WNT9B: variants seen among roughly 807,000 people sequenced by gnomAD.
WNT9B encodes the protein protein Wnt-9b.
WNT9B carries 12 observed loss-of-function variants against 30.2 expected under a neutral mutation model. That is an observed-to-expected ratio of 0.40 (90% CI 0.26 to 0.64). The LOEUF is 0.64. WNT9B is among the 30% of genes least tolerant of loss of function. WNT9B has a pLI of 0.42. For synonymous variants in WNT9B, 218 were observed against 216.9 expected, an observed-to-expected ratio of 1.01 and a Z score of -0.05; for missense variants, 442 against 485.2, an observed-to-expected ratio of 0.91 and a Z score of 0.84.
upstream of WNT9B, among the ~76,000 whole-genome samples, chr17:46,848,816 A>T (rs2084805723): frequency 6.6e-6 from 1 of 152,162 alleles, no homozygotes; most frequent in African/African-American, 2.4e-5. Flanking sequence ...CTGCTACGTC[A>T]GCTCTCCCAG....
chr17:46,835,686 G>T (rs2084620157), intron 1 of WNT9B, among the ~76,000 whole-genome samples: 1 of 152,238 alleles, frequency 6.6e-6, no homozygotes, highest in African/African-American at 2.4e-5. Flanking sequence ...TGTCCCCAAA[G>T]CTCAGGGCTG....
In WNT9B at chr17:46,851,654, G is replaced by A; in HGVS notation, c.16G>A (p.Ala6Thr). The A allele has an allele frequency of 7.8e-7, 1 of 1,279,476 alleles. No homozygotes were observed. The highest frequency in any genetic ancestry group is 9.8e-7 in the Non-Finnish European group (1 of 1,017,238). The allele number at this position is 1,279,476 out of a possible 1,614,324, so 79.3% of individuals were successfully genotyped here. A position where few individuals can be genotyped will look rare whatever the true frequency, so the allele number is the denominator to read the frequency against. The part of the protein sequence containing the change: MRPPP[A>T]LALAGLCLLA... ...CGCCAGCACCATGCGCCCCCCGCCCGCGCTGGCCCTGGCCGGGCTCTGCCT... is the reference window on the plus strand; with the variant it reads ...CGCCAGCACCATGCGCCCCCCGCCCACGCTGGCCCTGGCCGGGCTCTGCCT... The change falls in exon 1 of 4, where the codon GCG (alanine) becomes ACG (threonine). Residue 6 changes from alanine to threonine, a missense_variant. Physicochemically the swap from Ala to Thr is moderately conservative, Grantham distance 58 (BLOSUM62 0). Coordinates refer to ENST00000290015, the MANE Select transcript of WNT9B (RefSeq NM_003396.3). The surrounding 1 kb of genome is among the most constrained non-coding windows in gnomAD (Gnocchi z 4.3).
Position 46,851,644 on chromosome 17 carries a change from C to A in WNT9B, c.6C>A (p.Arg2=). 2 of 1,278,448 alleles carry A rather than the reference C, an allele frequency of 1.6e-6. No individual in the cohort carries two copies. Among genetic ancestry groups the A allele is most frequent in the South Asian group, 2.6e-5 (1 of 38,226 alleles). 79.2% of individuals were successfully genotyped at this position (1,278,448 alleles called of 1,614,324 possible). ...GGCGCAGCGCCGCCAGCACCATGCG[C>A]CCCCCGCCCGCGCTGGCCCTGGCCG... M[R]PPPALALAGL... The change falls in exon 1 of 4, where the codon CGC becomes CGA. Residue 2 remains arginine, a synonymous_variant. Coordinates refer to ENST00000290015, the MANE Select transcript of WNT9B (RefSeq NM_003396.3). This position sits in a 1 kb window ranked among gnomAD's most constrained non-coding sequence, Gnocchi z 4.3.
intron 1 of WNT9B, among the ~76,000 whole-genome samples, chr17:46,870,967 G>A (rs1395478227): frequency 7.1e-6 from 1 of 140,472 alleles, no homozygotes; most frequent in South Asian, 2.3e-4. Flanking sequence ...CTGGAGTGCA[G>A]TGATGCGATC....
downstream of WNT9B, among the ~76,000 whole-genome samples, chr17:46,884,002 C>T (rs1198665859): frequency 1.3e-5 from 2 of 152,074 alleles, no homozygotes; most frequent in Non-Finnish European, 2.9e-5. Flanking sequence ...CCTGCCCCAC[C>T]GTCCTCCCGC....
At chr17:46,837,116 T>C (rs1047964195) in intron 1 of WNT9B, among the ~76,000 whole-genome samples, 1 of 152,116 alleles carries the variant, frequency 6.6e-6, no homozygotes, top group African/African-American at 2.4e-5. Context: ...CTAATTTTTG[T>C]ATTTTTAGTA....
Position 46,870,176 on chromosome 17 carries a change from C to T in WNT9B, c.78-2341C>T, listed in dbSNP as rs956754255. On this transcript the variant is annotated intron_variant, in intron 1 of 3. Coordinates refer to ENST00000290015, the MANE Select transcript of WNT9B (RefSeq NM_003396.3). ...TGCTCTCCCCTCTGTCAATCAGTTG[C>T]TATCAGGGAGGTCCAGTTTCTGAAA... 8.5e-5 allele frequency among the ~76,000 whole-genome samples: 13 copies of T among 152,178 alleles called. 1 individual carries two copies. Among genetic ancestry groups the T allele is most frequent in the Non-Finnish European group, 1.2e-4 (8 of 68,038 alleles).
chr17:46,872,554 T>C lies in WNT9B; in HGVS notation c.115T>C (p.Leu39=). 6.3e-7 allele frequency: 1 copy of C among 1,582,742 alleles called. No homozygotes were observed. The highest frequency in any genetic ancestry group is 8.6e-7 in the Non-Finnish European group (1 of 1,162,410). Residue 39 remains leucine (L), a synonymous_variant, in exon 2 of 4, where the codon TTG becomes CTG. Transcript: ENST00000290015. ...GREVLTPFPG[L]GTAAAPAQGG... ...GGAAGTCCTGACGCCCTTCCCAGGA[T>C]TGGGCACTGCGGCAGCCCCGGCACA... is the stretch of plus-strand genomic sequence containing the variant.
downstream of WNT9B, among the ~76,000 whole-genome samples, chr17:46,884,292 A>G (rs2085462629): frequency 6.6e-6 from 1 of 152,204 alleles, no homozygotes; most frequent in East Asian, 1.9e-4. Context: ...TGTTGGCAAC[A>G]TGTCATTTCT....
intron 1 of WNT9B, among the ~76,000 whole-genome samples, chr17:46,860,650 T>G (rs2085021128): frequency 1.3e-5 from 2 of 152,232 alleles, no homozygotes; most frequent in South Asian, 4.1e-4. Flanking sequence ...AGAAATCTAG[T>G]GATCTGCCTT....
chr17:46,882,175 A>C (rs1331980249), downstream of WNT9B, among the ~76,000 whole-genome samples: 3 of 152,148 alleles, frequency 2.0e-5, no homozygotes, highest in Non-Finnish European at 4.4e-5. Flanking sequence ...AAAATTAAAA[A>C]ATTTTTAAAA....
chr17:46,870,318 C>G (rs1012578817), intron 1 of WNT9B, among the ~76,000 whole-genome samples: 3 of 152,220 alleles, frequency 2.0e-5, no homozygotes, highest in African/African-American at 7.2e-5. Context: ...GGAAGCCAGT[C>G]AAGGCGTGGC....
At position 46,871,508 on chromosome 17, in the gene WNT9B, G is replaced by A. The variant is rs115961655; in HGVS notation, c.78-1009G>A. On this transcript the variant is annotated intron_variant, in intron 1 of 3. Coordinates refer to ENST00000290015, the MANE Select transcript of WNT9B (RefSeq NM_003396.3). The stretch of plus-strand genomic sequence containing the variant: ...AGGGGAGACTCTGCTTAGCTGGAGA[G>A]TAAAGCATCTTGCAAAATGAGGGAA... Among the ~76,000 whole-genome samples the A allele has an allele frequency of 8.1e-3, 1,231 of 152,266 alleles. 17 individuals carry two copies. The highest frequency in any genetic ancestry group is 0.028 in the African/African-American group (1,155 of 41,542).
chr17:46,834,699 G>A lies in WNT9B; in HGVS notation c.95+1259G>A, dbSNP rs140209800. 2.6e-3 allele frequency among the ~76,000 whole-genome samples: 402 copies of A among 152,200 alleles called. 3 individuals carry two copies. The highest frequency in any genetic ancestry group is 9.3e-3 in the African/African-American group (385 of 41,530). ...CTCTGTCACACCCCTCCCCCATGCA[G>A]AGGAGCCAGTTTTAACCTGGAAGGT... On this transcript the variant is annotated intron_variant, in intron 1 of 2. Transcript: ENST00000575372.
intron 1 of WNT9B, among the ~76,000 whole-genome samples, chr17:46,859,330 C>T (rs972658717): frequency 1.3e-5 from 2 of 152,152 alleles, no homozygotes; most frequent in African/African-American, 4.8e-5. Flanking sequence ...CTAGTGTGTA[C>T]AGCATGGAGT....
downstream of WNT9B, among the ~76,000 whole-genome samples, chr17:46,884,797 G>A (rs932861438): frequency 1.1e-4 from 16 of 152,178 alleles, no homozygotes; most frequent in African/African-American, 3.6e-4. Context: ...CAGACCCAGT[G>A]AAGGCGACAG....
At chr17:46,883,862 G>A (rs188579886), downstream of WNT9B, among the ~76,000 whole-genome samples, 5 of 152,100 alleles carry the variant, frequency 3.3e-5, no homozygotes, top group Middle Eastern at 3.2e-3. Flanking sequence ...TGCCTCTCAC[G>A]CGTCTTATCC....
intron 2 of WNT9B, 114 bp downstream of exon 2, chr17:46,872,887 G>T: frequency 8.0e-7 from 1 of 1,257,160 alleles, no homozygotes; most frequent in Non-Finnish European, 1.1e-6. Context: ...AGGCCACACT[G>T]CCCTTCCTGC....
intron 1 of WNT9B, among the ~76,000 whole-genome samples, chr17:46,839,958 T>C (rs2084684391): frequency 7.1e-6 from 1 of 141,334 alleles, no homozygotes. Flanking sequence ...CTTTCTTTCT[T>C]TCTTTCTTTC....
Sources: gnomAD v4.1 joint callset for allele counts (sites outside exome capture counted in the v4.1 genomes callset) on GRCh38, gnomAD v4.1.1 for gene constraint, Gnocchi (gnomAD v3.1) non-coding constraint, MANE v1.5 for transcripts, NCBI Gene and HGNC (gene_info 2026-07-23, HGNC 2026-07-21) for gene names.